Variants in ITCH observed in about 807,000 individuals in gnomAD.
ITCH encodes the protein itchy E3 ubiquitin protein ligase, also known as E3 ubiquitin-protein ligase Itchy homolog.
In ITCH, 28 loss-of-function variants were observed where a neutral mutation model predicts 126.8. The ratio of observed to expected loss-of-function variants is 0.22; its 90% confidence interval spans 0.16 to 0.30. The LOEUF (loss-of-function observed/expected upper bound fraction) is 0.30, where lower values mean the gene tolerates loss of function less well. Among genes scored for constraint, ITCH ranks in the 10% least tolerant of loss-of-function variants. The pLI, the probability that ITCH is intolerant of heterozygous loss-of-function variation, is 1.00. For missense variants in ITCH, 631 were observed against 1,032.4 expected (o/e 0.61, Z 5.33); for synonymous variants, 342 against 340.0 (o/e 1.01, Z -0.06).
rs1159865217 is a variant in ITCH, at chr20:34,420,205, C to T, written c.476-4275C>T. On this transcript the variant is annotated intron_variant, in intron 6 of 24. Coordinates refer to ENST00000374864, the MANE Select transcript of ITCH (RefSeq NM_031483.7). ...CACATCCACCATCTGTCTCTAGTTT[C>T]AGATCTTTCTTGTCACCTTAGAAAA... Among the ~76,000 whole-genome samples, 2 of 152,168 alleles carry T rather than the reference C, an allele frequency of 1.3e-5. 1 individual carries two copies. Among genetic ancestry groups the T allele is most frequent in the East Asian group, 3.8e-4 (2 of 5,196 alleles).
intron 6 of ITCH, among the ~76,000 whole-genome samples, chr20:34,422,420 A>G (rs1412422620): frequency 2.0e-5 from 3 of 152,218 alleles, no homozygotes; most frequent in Non-Finnish European, 4.4e-5. Context: ...ACTAATAGAC[A>G]CATTTTAGTA....
intron 3 of ITCH, among the ~76,000 whole-genome samples, chr20:34,394,420 T>A (rs924341396): frequency 5.9e-5 from 9 of 152,110 alleles, no homozygotes; most frequent in African/African-American, 2.4e-5. Context: ...GGTATTGTAT[T>A]AACAGCTTTA....
chr20:34,418,730 ACTC>A (rs1416079428), intron 6 of ITCH, among the ~76,000 whole-genome samples: 1 of 147,748 alleles, frequency 6.8e-6, no homozygotes, highest in Admixed American at 6.8e-5. Context: ...AGGTAGTAAA[ACTC>A]CTTTCTTTCT....
At chr20:34,369,111 C>G (rs1178005560) in intron 1 of ITCH, among the ~76,000 whole-genome samples, 1 of 152,042 alleles carries the variant, frequency 6.6e-6, no homozygotes, top group Non-Finnish European at 1.5e-5. Flanking sequence ...GGGTGGATCA[C>G]GAGGTCAGGA....
chr20:34,507,281 TTTTTTTTTGG>T (rs1184398622), intron 24 of ITCH, among the ~76,000 whole-genome samples: 1 of 93,606 alleles, frequency 1.1e-5, no homozygotes, highest in African/African-American at 3.7e-5. Flanking sequence ...TTTTTTTTTT[TTTTTTTTTGG>T]TTGTTGTTGT....
At chr20:34,425,234 G>C (rs1247626990) in intron 7 of ITCH, among the ~76,000 whole-genome samples, 3 of 152,222 alleles carry the variant, frequency 2.0e-5, no homozygotes, top group African/African-American at 7.2e-5. Context: ...CAGGCAGTAT[G>C]CCTGGTAAAA....
rs548689315 is a variant in ITCH, at chr20:34,389,146, A to C, written c.-21-4645A>C. 4.6e-4 allele frequency among the ~76,000 whole-genome samples: 70 copies of C among 152,216 alleles called. 1 individual carries two copies. Among genetic ancestry groups the C allele is most frequent in the African/African-American group, 1.7e-3 (70 of 41,546 alleles). ...CACATCCCATGAGTACTGTATTTTCAATTGGTGTTTTTTATTTTTATTTTT... is the reference window on the plus strand; with the variant it reads ...CACATCCCATGAGTACTGTATTTTCCATTGGTGTTTTTTATTTTTATTTTT... On this transcript the variant is annotated intron_variant, in intron 2 of 24. Transcript: ENST00000374864.
chr20:34,364,456 A>C (rs1022243465), intron 1 of ITCH, among the ~76,000 whole-genome samples: 2 of 152,098 alleles, frequency 1.3e-5, no homozygotes, highest in African/African-American at 2.4e-5. Context: ...ATGTAAAGGC[A>C]GTGTATTTCC....
chr20:34,415,957 A>G (rs1442229948), intron 6 of ITCH, among the ~76,000 whole-genome samples: 1 of 151,134 alleles, frequency 6.6e-6, no homozygotes, highest in Non-Finnish European at 1.5e-5. Flanking sequence ...CCCCGTCTCT[A>G]CTAAAAATAT....
At chr20:34,433,221 C>G (rs1006591170) in intron 7 of ITCH, among the ~76,000 whole-genome samples, 2 of 151,718 alleles carry the variant, frequency 1.3e-5, no homozygotes, top group African/African-American at 2.4e-5. Context: ...ACCCGGGAGG[C>G]GGAGGTTGCA....
At chr20:34,414,152 A>G (rs1979469444) in intron 6 of ITCH, among the ~76,000 whole-genome samples, 1 of 151,790 alleles carries the variant, frequency 6.6e-6, no homozygotes, top group African/African-American at 2.4e-5. Context: ...TTTAAAAAAA[A>G]AAAAAAAGAA....
At chr20:34,381,466 G>A (rs968388394) in intron 2 of ITCH, among the ~76,000 whole-genome samples, 6 of 150,568 alleles carry the variant, frequency 4.0e-5, no homozygotes, top group Admixed American at 2.7e-4. Flanking sequence ...TTGCTTTGTC[G>A]CCCAGGCTGG....
chr20:34,500,510 A>G (rs939003567), intron 23 of ITCH, among the ~76,000 whole-genome samples: 2 of 152,258 alleles, frequency 1.3e-5, no homozygotes. Flanking sequence ...TTCCATTTCC[A>G]TGAAATATCT....
At chr20:34,408,850 A>C in intron 4 of ITCH, 58 bp downstream of exon 4, 1 of 1,543,834 alleles carries the variant, frequency 6.5e-7, no homozygotes, top group Non-Finnish European at 8.9e-7. Flanking sequence ...TTGGAAATAC[A>C]ATTTAAAAAA....
At position 34,488,786 on chromosome 20, in the gene ITCH, G is replaced by A. The variant is rs143848145; in HGVS notation, c.2094-480G>A. Among the ~76,000 whole-genome samples the A allele has an allele frequency of 9.6e-4, 146 of 152,216 alleles. 1 individual carries two copies. The highest frequency in any genetic ancestry group is 3.2e-3 in the African/African-American group (131 of 41,548). On this transcript the variant is annotated intron_variant, in intron 20 of 24. Coordinates refer to ENST00000374864, the MANE Select transcript of ITCH (RefSeq NM_031483.7). ...GCAATGGTGGCACACGCTTGTAATC[G>A]TAGCACTTTGGATGGCGGAGGCAGG...
rs746597590 is a variant in ITCH at position 34,470,105 on chromosome 20, C to G, written c.1482C>G (p.Phe494Leu). Residue 494 changes from phenylalanine to leucine, a missense_variant, in exon 15 of 25, where the codon TTC becomes TTG. Phe to Leu is a conservative substitution (Grantham distance 22). Around this residue, in one of 4 missense-constraint regions of ITCH, gnomAD observed 390 missense variants for 731.6 expected, o/e 0.53. Transcript: ENST00000374864. ...ACTTCAAAGCAAAGGTTCAGTATTT[C>G]CGGTTCTGGTGTCAGGTTAGTATTG... ...VRDFKAKVQY[F>L]RFWCQQLAMP... The G allele has an allele frequency of 1.2e-6, 2 of 1,613,454 alleles. No homozygotes were observed. The highest frequency in any genetic ancestry group is 3.3e-5 in the Admixed American group (2 of 59,994).
chr20:34,465,480 T>C (rs1422402885), intron 14 of ITCH, among the ~76,000 whole-genome samples: 3 of 152,218 alleles, frequency 2.0e-5, no homozygotes, highest in Non-Finnish European at 4.4e-5. Context: ...TCCATATTGA[T>C]CAATACAGAT....
intron 9 of ITCH, 185 bp from the exon 10 acceptor site, chr20:34,442,023 G>A (rs1035770208): frequency 2.4e-5 from 15 of 626,766 alleles, no homozygotes; most frequent in Non-Finnish European, 4.1e-5. Context: ...AATTCACTGT[G>A]TGCCACTGCC....
At chr20:34,426,618 G>C (rs892294001) in intron 7 of ITCH, among the ~76,000 whole-genome samples, 17 of 147,404 alleles carry the variant, frequency 1.2e-4, no homozygotes, top group Non-Finnish European at 7.5e-5. Flanking sequence ...ATGCCCGGCT[G>C]TTTGTATTTT....
Sources: gnomAD v4.1 joint callset for allele counts (sites outside exome capture counted in the v4.1 genomes callset) on GRCh38, gnomAD v4.1.1 for gene constraint, gnomAD v4.1.1 regional missense constraint, MANE v1.5 for transcripts, NCBI Gene and HGNC (gene_info 2026-07-23, HGNC 2026-07-21) for gene names.